Variants in SORCS2 observed in about 807,000 individuals in gnomAD.
SORCS2 encodes sortilin related VPS10 domain containing receptor 2.
SORCS2 carries 100 observed loss-of-function variants against 141.6 expected under a neutral mutation model. That is an observed-to-expected ratio of 0.71 (90% CI 0.60 to 0.83). The LOEUF is 0.83. SORCS2 is among the 40% of genes least tolerant of loss of function. The probability of loss-of-function intolerance (pLI) is 0.00; values close to 1 mark genes in which losing one functional copy is unlikely to be tolerated. For missense variants in SORCS2, 1,646 were observed against 1,560.2 expected (o/e 1.05, Z -0.93); for synonymous variants, 789 against 676.9 (o/e 1.17, Z -2.57).
intron 3 of SORCS2, among the ~76,000 whole-genome samples, chr4:7,611,259 G>A (rs1280342712): frequency 6.6e-6 from 1 of 152,230 alleles, no homozygotes; most frequent in Non-Finnish European, 1.5e-5. Context: ...CTGGGTGTTG[G>A]ATGAAGCTGC....
At chr4:7,607,148 C>A (rs1022741857) in intron 3 of SORCS2, among the ~76,000 whole-genome samples, 1 of 152,212 alleles carries the variant, frequency 6.6e-6, no homozygotes, top group Non-Finnish European at 1.5e-5. Flanking sequence ...GGTCTGGCCA[C>A]AAGAGTTACG....
chr4:7,661,445 G>A (rs1477635693), intron 5 of SORCS2, 55 bp from the exon 6 acceptor site: 2 of 1,538,020 alleles, frequency 1.3e-6, no homozygotes, highest in Non-Finnish European at 1.8e-6. Context: ...GGAGCAGCTG[G>A]GGGACGGGCA....
intron 2 of SORCS2, among the ~76,000 whole-genome samples, chr4:7,518,735 C>T (rs565175372): frequency 4.6e-5 from 7 of 152,182 alleles, no homozygotes; most frequent in Non-Finnish European, 1.0e-4. Context: ...TGCCGGTTTT[C>T]TCTCAGCCCA....
rs1244311907 is a variant in SORCS2, at chr4:7,233,452, G to A, written c.480+40326G>A. Among the ~76,000 whole-genome samples the A allele has an allele frequency of 6.6e-6, 1 of 151,838 alleles. No homozygotes were observed. Among genetic ancestry groups the A allele is most frequent in the African/African-American group, 2.4e-5 (1 of 41,452 alleles). On this transcript the variant is annotated intron_variant, in intron 1 of 26. Transcript: ENST00000507866. The surrounding 1 kb of genome is among the most constrained non-coding windows in gnomAD (Gnocchi z 4.5). Reference sequence around the variant, plus strand: ...GTTGCCATCCTGTTTCCATCCAGGGGCCCGGACACTGGGCCACAGTGCAGT... The same window carrying A: ...GTTGCCATCCTGTTTCCATCCAGGGACCCGGACACTGGGCCACAGTGCAGT...
chr4:7,447,316 C>T (rs937519048), intron 2 of SORCS2, among the ~76,000 whole-genome samples: 6 of 152,260 alleles, frequency 3.9e-5, no homozygotes, highest in Middle Eastern at 3.4e-3. Context: ...CTTCTGCCTC[C>T]GTGCCTTGCC....
chr4:7,450,726 T>A (rs951789228), intron 2 of SORCS2, among the ~76,000 whole-genome samples: 5 of 152,100 alleles, frequency 3.3e-5, no homozygotes, highest in Non-Finnish European at 5.9e-5. Flanking sequence ...AGTGAGTGCA[T>A]GAATGAGTGA....
Position 7,740,981 on chromosome 4 carries a change from C to T in SORCS2, c.*717C>T. On this transcript the variant is annotated 3_prime_UTR_variant, in exon 27 of 27. Coordinates refer to ENST00000507866, the MANE Select transcript of SORCS2 (RefSeq NM_020777.3). ...TCCTCTGCCCAGAGGGGCAGCAGCT[C>T]TCCCTGGTTCTCCCCAGGGCAGACG... 1 of 398,484 alleles carries T rather than the reference C, an allele frequency of 2.5e-6. No homozygotes were observed. The allele number at this position is 398,484 out of a possible 1,614,324, so 24.7% of individuals were successfully genotyped here.
chr4:7,364,725 T>C (rs895062667), intron 1 of SORCS2, among the ~76,000 whole-genome samples: 7 of 152,210 alleles, frequency 4.6e-5, no homozygotes, highest in South Asian at 2.1e-4. Flanking sequence ...GAGGACCTCA[T>C]GTCACATGAA....
At chr4:7,471,549 T>C (rs1729977373) in intron 2 of SORCS2, among the ~76,000 whole-genome samples, 1 of 152,206 alleles carries the variant, frequency 6.6e-6, no homozygotes, top group Non-Finnish European at 1.5e-5. Context: ...AGATCAGCAG[T>C]GGCCCTCCAG....
At chr4:7,699,453 C>T (rs781509896) in intron 12 of SORCS2, among the ~76,000 whole-genome samples, 24 of 152,190 alleles carry the variant, frequency 1.6e-4, no homozygotes, top group Non-Finnish European at 2.9e-4. Flanking sequence ...TGTCCCAGTG[C>T]AGAGCCCTGG....
intron 26 of SORCS2, among the ~76,000 whole-genome samples, chr4:7,739,324 C>G (rs1010773126): frequency 6.6e-6 from 1 of 152,128 alleles, no homozygotes; most frequent in South Asian, 2.1e-4. Context: ...CTCCTGCAGG[C>G]GGCATCACCC....
intron 1 of SORCS2, among the ~76,000 whole-genome samples, chr4:7,215,002 C>A (rs1728243294): frequency 6.6e-6 from 1 of 152,008 alleles, no homozygotes; most frequent in African/African-American, 2.4e-5. Flanking sequence ...CTCGGTGCGT[C>A]CTCTGCCTGG....
At chr4:7,704,537 G>A (rs564387623) in intron 14 of SORCS2, among the ~76,000 whole-genome samples, 29 of 152,232 alleles carry the variant, frequency 1.9e-4, no homozygotes, top group Non-Finnish European at 3.4e-4. Flanking sequence ...CATATGGCAT[G>A]AAGGTCATAT....
intron 1 of SORCS2, among the ~76,000 whole-genome samples, chr4:7,376,259 A>G (rs922017922): frequency 3.7e-5 from 5 of 136,206 alleles, no homozygotes; most frequent in African/African-American, 1.4e-4. Flanking sequence ...GAAAAGCTGG[A>G]AAATATGCAA....
intron 2 of SORCS2, among the ~76,000 whole-genome samples, chr4:7,407,744 A>G (rs1032390077): frequency 6.6e-6 from 1 of 151,922 alleles, no homozygotes; most frequent in Non-Finnish European, 1.5e-5. Flanking sequence ...TTTATTTTGT[A>G]TATCCCCTCT....
intron 12 of SORCS2, among the ~76,000 whole-genome samples, chr4:7,701,646 C>T (rs1032995875): frequency 1.9e-4 from 29 of 152,280 alleles, no homozygotes; most frequent in African/African-American, 7.0e-4. Flanking sequence ...CTGCTGGACA[C>T]CAGGGCCAAG....
chr4:7,257,037 G>A (rs566245365), intron 1 of SORCS2, among the ~76,000 whole-genome samples: 1 of 152,318 alleles, frequency 6.6e-6, no homozygotes, highest in South Asian at 2.1e-4. Context: ...GAACTTCTCA[G>A]TATTTCTAGA....
chr4:7,469,511 A>G (rs1376458634), intron 2 of SORCS2, among the ~76,000 whole-genome samples: 2 of 152,212 alleles, frequency 1.3e-5, no homozygotes, highest in African/African-American at 4.8e-5. Context: ...AGAACCTCCA[A>G]AAGGAGCCCT....
intron 3 of SORCS2, among the ~76,000 whole-genome samples, chr4:7,537,280 C>T (rs1210885744): frequency 6.6e-6 from 1 of 152,202 alleles, no homozygotes; most frequent in Non-Finnish European, 1.5e-5. Flanking sequence ...CTTCAAGCTC[C>T]ACTATCCTAG....
Sources: allele counts gnomAD v4.1 joint callset (sites outside exome capture counted in the v4.1 genomes callset), GRCh38; gene constraint gnomAD v4.1.1; non-coding constraint Gnocchi (gnomAD v3.1); transcripts MANE v1.5; gene names NCBI Gene and HGNC (gene_info 2026-07-23, HGNC 2026-07-21).